The following PARD3B variants were observed in gnomAD, a reference collection of about 807,000 sequenced individuals.
The protein encoded by PARD3B is partitioning defective 3 homolog B.
PARD3B carries 103 observed loss-of-function variants against 130.2 expected under a neutral mutation model. That is an observed-to-expected ratio of 0.79 (90% CI 0.67 to 0.93). The LOEUF is 0.93. Among genes scored for constraint, PARD3B ranks in the 40% least tolerant of loss-of-function variants. The pLI is 0.00. For synonymous variants in PARD3B, 583 were observed against 553.2 expected (o/e 1.05, Z -0.76); for missense variants, 1,609 against 1,499.2 (o/e 1.07, Z -1.21).
chr2:205,246,056 T>A (rs1038221429), intron 16 of PARD3B, among the ~76,000 whole-genome samples: 3 of 152,120 alleles, frequency 2.0e-5, no homozygotes, highest in South Asian at 4.1e-4. Flanking sequence ...CAAAAAGATA[T>A]ATAAAACCAA....
intron 20 of PARD3B, among the ~76,000 whole-genome samples, chr2:205,464,807 T>C (rs1228061302): frequency 6.6e-6 from 1 of 152,206 alleles, no homozygotes; most frequent in Non-Finnish European, 1.5e-5. Flanking sequence ...TGGTGGCCTG[T>C]TGCAGGGTTT....
intron 4 of PARD3B, among the ~76,000 whole-genome samples, chr2:205,077,694 G>T (rs1413525296): frequency 6.6e-6 from 1 of 152,046 alleles, no homozygotes; most frequent in Non-Finnish European, 1.5e-5. Flanking sequence ...TGAGAGAGAT[G>T]CCTGAGAGAT....
At position 205,113,392 on chromosome 2, in the gene PARD3B, GGGTGTGT is replaced by G. The variant is rs1703783632; in HGVS notation, c.594-97_594-91del. ...TATTAGTTGATATAATCCTGAGCAG[GGGTGTGT>G]GTGTGTGTGTGTGTGTGTGTGTGTA... On this transcript the variant is annotated intron_variant, in intron 5 of 22. Coordinates refer to ENST00000406610, the MANE Select transcript of PARD3B (RefSeq NM_001302769.2). 5 of 546,610 alleles carry G rather than the reference GGGTGTGT, an allele frequency of 9.1e-6. No homozygotes were observed. The East Asian group carries it at 9.7e-5, about 11-fold the overall frequency. 33.9% of individuals were successfully genotyped at this position (546,610 alleles called of 1,614,324 possible). A position where few individuals can be genotyped will look rare whatever the true frequency, so the allele number is the denominator to read the frequency against.
intron 1 of PARD3B, among the ~76,000 whole-genome samples, chr2:204,636,462 G>GTA (rs952621154): frequency 1.3e-5 from 2 of 148,648 alleles, no homozygotes; most frequent in African/African-American, 5.2e-5. Context: ...GAGTGTGTGT[G>GTA]TGTGTGTGTG....
chr2:205,063,454 G>A (rs942000922), intron 4 of PARD3B, among the ~76,000 whole-genome samples: 1 of 152,096 alleles, frequency 6.6e-6, no homozygotes, highest in African/African-American at 2.4e-5. Flanking sequence ...GATGCAGGTA[G>A]AAAAATGCTT....
At chr2:205,210,146 G>A (rs1006318271) in intron 15 of PARD3B, among the ~76,000 whole-genome samples, 32 of 151,878 alleles carry the variant, frequency 2.1e-4, no homozygotes, top group African/African-American at 6.5e-4. Context: ...TGGGAGGATC[G>A]TTTCACCCTG....
chr2:205,441,844 C>T (rs2047726392), intron 20 of PARD3B, among the ~76,000 whole-genome samples: 1 of 152,056 alleles, frequency 6.6e-6, no homozygotes, highest in Non-Finnish European at 1.5e-5. Flanking sequence ...TGTCAGGCAT[C>T]CAGGTTGATA....
chr2:205,336,746 G>A lies in PARD3B; in HGVS notation c.2630+35045G>A, dbSNP rs118117211. Among the ~76,000 whole-genome samples, 14 of 152,308 alleles carry A rather than the reference G, an allele frequency of 9.2e-5. No individual in the cohort carries two copies. In the East Asian group the frequency reaches 2.1e-3, roughly 23 times the overall value. ...GCAGGTAATTATGTTACAGTGCACA[G>A]TAACCATTAAGAAGAGATGAACATG... On this transcript the variant is annotated intron_variant, in intron 18 of 22. Transcript: ENST00000406610.
chr2:205,440,522 C>A lies in PARD3B; in HGVS notation c.2894C>A (p.Ser965Ter), dbSNP rs769121004. ...AACCACTTTCGGGAACCATGCACAT[C>A]AGCAAATGTCTTTAGATCTCCATCT... ...RVNHFREPCTSANVFRSPSPP... is the reference protein window; with the variant it reads ...RVNHFREPCT Residue 965 changes from serine (S) to a stop codon, truncating the protein, a stop_gained, in exon 20 of 23, where the codon TCA becomes TAA. Coordinates refer to ENST00000406610, the MANE Select transcript of PARD3B (RefSeq NM_001302769.2). LOFTEE classifies it high-confidence loss of function. This position sits in a 1 kb window ranked among gnomAD's most constrained non-coding sequence, Gnocchi z 4.2. The A allele has an allele frequency of 7.4e-6, 12 of 1,614,044 alleles. No homozygotes were observed. The highest frequency in any genetic ancestry group is 1.0e-5 in the Non-Finnish European group (12 of 1,179,990).
At chr2:204,556,939 T>A (rs2030962964) in intron 1 of PARD3B, among the ~76,000 whole-genome samples, 2 of 152,070 alleles carry the variant, frequency 1.3e-5, no homozygotes. Flanking sequence ...AGGCCATGGT[T>A]ACCTTTTACT....
rs145985890 is a variant in PARD3B at position 205,237,185 on chromosome 2, C to T, written c.2141-8593C>T. 6.4e-3 allele frequency among the ~76,000 whole-genome samples: 981 copies of T among 152,228 alleles called. 12 individuals are homozygous for T. The highest frequency in any genetic ancestry group is 0.022 in the African/African-American group (919 of 41,546). On this transcript the variant is annotated intron_variant, in intron 15 of 22. Coordinates refer to ENST00000406610, the MANE Select transcript of PARD3B (RefSeq NM_001302769.2). ...CGCGATCACTGCTCATTGCAACCTC[C>T]GCCTCCCAGGTTCAAGCAATTCTCC...
chr2:205,602,723 T>A (rs930612348), intron 22 of PARD3B, among the ~76,000 whole-genome samples: 2 of 152,200 alleles, frequency 1.3e-5, no homozygotes, highest in African/African-American at 4.8e-5. Flanking sequence ...ATCCCCTTTA[T>A]CATTTTATAT....
intron 18 of PARD3B, among the ~76,000 whole-genome samples, chr2:205,322,802 A>G (rs917473169): frequency 1.3e-5 from 2 of 149,442 alleles, no homozygotes. Context: ...AATATCTCCC[A>G]TGTAAAATAT....
intron 2 of PARD3B, among the ~76,000 whole-genome samples, chr2:204,960,219 GATAA>G (rs1690625285): frequency 6.6e-6 from 1 of 152,130 alleles, no homozygotes; most frequent in Non-Finnish European, 1.5e-5. Flanking sequence ...CTTTACAATA[GATAA>G]ATCAAAGTGG....
chr2:204,568,781 C>G (rs1050130497), intron 1 of PARD3B, among the ~76,000 whole-genome samples: 14 of 151,774 alleles, frequency 9.2e-5, no homozygotes, highest in Non-Finnish European at 1.5e-4. Context: ...ATGGTGAAAC[C>G]CTGTCTCTAC....
intron 3 of PARD3B, among the ~76,000 whole-genome samples, chr2:204,972,149 G>A (rs1487479814): frequency 1.3e-5 from 2 of 151,992 alleles, no homozygotes; most frequent in African/African-American, 4.8e-5. Context: ...CCATATGGGA[G>A]TAATTTTTGT....
intron 1 of PARD3B, among the ~76,000 whole-genome samples, chr2:204,676,446 C>G (rs2036548140): frequency 1.3e-5 from 2 of 151,864 alleles, no homozygotes; most frequent in Non-Finnish European, 2.9e-5. Flanking sequence ...TTATTCCTAC[C>G]CTACAGCAGA....
intron 1 of PARD3B, among the ~76,000 whole-genome samples, chr2:204,638,567 C>T (rs935467098): frequency 3.9e-5 from 6 of 151,926 alleles, no homozygotes; most frequent in East Asian, 1.9e-4. Context: ...TTCAGTCATT[C>T]GAGACTATAG....
At chr2:205,338,978 T>A (rs1394377007) in intron 18 of PARD3B, among the ~76,000 whole-genome samples, 2 of 152,198 alleles carry the variant, frequency 1.3e-5, no homozygotes, top group African/African-American at 4.8e-5. Context: ...AATGGTCCAA[T>A]GAAATGTATA....
Sources: gnomAD v4.1 joint callset for allele counts (sites outside exome capture counted in the v4.1 genomes callset) on GRCh38, gnomAD v4.1.1 for gene constraint, Gnocchi (gnomAD v3.1) non-coding constraint, MANE v1.5 for transcripts, NCBI Gene and HGNC (gene_info 2026-07-23, HGNC 2026-07-21) for gene names.